The following RPAP2 variants were observed in gnomAD, a reference collection of about 807,000 sequenced individuals.
The protein encoded by RPAP2 is putative RNA polymerase II subunit B1 CTD phosphatase RPAP2.
A neutral mutation model predicts 73.1 loss-of-function variants in RPAP2; 52 were observed. That is an observed-to-expected ratio of 0.71 (90% CI 0.57 to 0.90). The LOEUF is 0.90. Ranked by LOEUF, RPAP2 falls within the 40% of genes least tolerant of loss-of-function variation. The pLI, the probability that RPAP2 is intolerant of heterozygous loss-of-function variation, is 0.00. For synonymous variants in RPAP2, 225 were observed against 242.1 expected (o/e 0.93, Z 0.65); for missense variants, 598 against 701.8 (o/e 0.85, Z 1.67).
At chr1:92,307,158 A>G in intron 5 of RPAP2, 30 bp from the exon 6 acceptor site, 1 of 1,501,352 alleles carries the variant, frequency 6.7e-7, no homozygotes, top group Non-Finnish European at 9.2e-7. Context: ...CATGATAAGA[A>G]AAAAACTAGA....
intron 8 of RPAP2, among the ~76,000 whole-genome samples, 160 bp downstream of exon 8, chr1:92,324,535 T>C (rs571014806): frequency 6.6e-6 from 1 of 152,374 alleles, no homozygotes; most frequent in South Asian, 2.1e-4. Flanking sequence ...ATCTCCACTG[T>C]TGGCATTACT....
At chr1:92,306,791 C>A (rs537797120) in intron 5 of RPAP2, among the ~76,000 whole-genome samples, 3 of 152,012 alleles carry the variant, frequency 2.0e-5, no homozygotes, top group South Asian at 4.2e-4. Context: ...GTGAGTGAGA[C>A]CCTGTCCCTA....
chr1:92,365,334 A>G (rs1266079000), intron 11 of RPAP2, among the ~76,000 whole-genome samples: 4 of 152,234 alleles, frequency 2.6e-5, no homozygotes, highest in Non-Finnish European at 5.9e-5. Context: ...GAACTTTAAC[A>G]CAGCTTCACA....
intron 11 of RPAP2, 81 bp from the exon 12 acceptor site, chr1:92,380,643 T>G: frequency 1.0e-6 from 1 of 955,712 alleles, no homozygotes; most frequent in Non-Finnish European, 1.5e-6. Flanking sequence ...CTCATAAAAT[T>G]TTCTCTGCCA....
chr1:92,353,944 G>T (rs1214506992), intron 11 of RPAP2, among the ~76,000 whole-genome samples: 2 of 152,046 alleles, frequency 1.3e-5, no homozygotes, highest in African/African-American at 4.8e-5. Context: ...TATATCTTTG[G>T]CAGTTTTATA....
intron 10 of RPAP2, among the ~76,000 whole-genome samples, chr1:92,343,114 A>G (rs1653689605): frequency 6.6e-6 from 1 of 151,738 alleles, no homozygotes; most frequent in African/African-American, 2.4e-5. Context: ...ACCTAAGGCC[A>G]GAGGCCCTGG....
At chr1:92,313,603 A>G (rs1324327312) in intron 6 of RPAP2, among the ~76,000 whole-genome samples, 2 of 152,142 alleles carry the variant, frequency 1.3e-5, no homozygotes, top group African/African-American at 4.8e-5. Flanking sequence ...GGATTTTCAG[A>G]ATAATAAATA....
Position 92,301,596 on chromosome 1 carries a change from TGTTAA to T in RPAP2, c.234+10_234+14del, listed in dbSNP as rs373395452. 289 of 1,204,160 alleles carry T rather than the reference TGTTAA, an allele frequency of 2.4e-4. 1 individual carries two copies. Among genetic ancestry groups the T allele is most frequent in the African/African-American group, 1.6e-3 (100 of 63,244 alleles). 74.6% of individuals were successfully genotyped at this position (1,204,160 alleles called of 1,614,324 possible). ...AAGAGTTCCTAATGGAGTGTGTATG[TGTTAA>T]GTTGACAAATTATTAGTTTTGTAGT... On this transcript the variant is annotated splice_region_variant and intron_variant, in intron 3 of 12. Coordinates refer to ENST00000610020, the MANE Select transcript of RPAP2 (RefSeq NM_024813.3).
At chr1:92,311,466 C>T (rs1381689249) in intron 6 of RPAP2, among the ~76,000 whole-genome samples, 1 of 152,152 alleles carries the variant, frequency 6.6e-6, no homozygotes, top group Non-Finnish European at 1.5e-5. Flanking sequence ...ATAATTTGAT[C>T]TCTTTAGTCT....
chr1:92,350,846 C>G (rs1447977437), intron 11 of RPAP2, among the ~76,000 whole-genome samples: 1 of 152,058 alleles, frequency 6.6e-6, no homozygotes, highest in Non-Finnish European at 1.5e-5. Context: ...GCAGGAAAAT[C>G]ACTTGAACCC....
chr1:92,337,566 C>T (rs1653348373), intron 10 of RPAP2, among the ~76,000 whole-genome samples: 2 of 152,258 alleles, frequency 1.3e-5, no homozygotes, highest in South Asian at 4.1e-4. Flanking sequence ...ATCAAACCTT[C>T]ATAGATTCCA....
At chr1:92,328,833 G>T (rs192972201) in intron 8 of RPAP2, among the ~76,000 whole-genome samples, 9 of 152,322 alleles carry the variant, frequency 5.9e-5, no homozygotes, top group East Asian at 3.9e-4. Context: ...GTCCCACAGG[G>T]TGCTCCCTTG....
chr1:92,345,398 AAAAG>A (rs1295758089), intron 10 of RPAP2, among the ~76,000 whole-genome samples: 26 of 146,988 alleles, frequency 1.8e-4, no homozygotes, highest in African/African-American at 5.7e-4. Context: ...AAAAAAAAAA[AAAAG>A]AGAGAGAGAG....
chr1:92,388,310 G>A lies in RPAP2; in HGVS notation c.*1299G>A, dbSNP rs1376390447. ...TAGTTCTAGCACTTTGGAGGCAGAG[G>A]CAGGAGGACTGCTTGAGCCCAGGAG... On this transcript the variant is annotated 3_prime_UTR_variant, in exon 13 of 13. Coordinates refer to ENST00000610020, the MANE Select transcript of RPAP2 (RefSeq NM_024813.3). 1 of 152,242 alleles carries A rather than the reference G, an allele frequency of 6.6e-6. No individual in the cohort carries two copies. The highest frequency in any genetic ancestry group is 2.4e-5 in the African/African-American group (1 of 41,430). The allele number at this position is 152,242 out of a possible 1,614,324, so 9.4% of individuals were successfully genotyped here.
intron 9 of RPAP2, among the ~76,000 whole-genome samples, chr1:92,335,179 T>G (rs1054770135): frequency 6.6e-6 from 1 of 151,904 alleles, no homozygotes; most frequent in East Asian, 1.9e-4. Context: ...TTCCCTTTTC[T>G]CCACATTTCT....
intron 11 of RPAP2, among the ~76,000 whole-genome samples, chr1:92,376,893 C>A (rs2101438441): frequency 6.6e-6 from 1 of 152,262 alleles, no homozygotes; most frequent in South Asian, 2.1e-4. Flanking sequence ...GGGGAAGATA[C>A]TTCTATTTTT....
chr1:92,316,832 A>T (rs1219543969), intron 6 of RPAP2, among the ~76,000 whole-genome samples: 1 of 152,220 alleles, frequency 6.6e-6, no homozygotes, highest in African/African-American at 2.4e-5. Context: ...AGCACCTAGC[A>T]AAAACAAACT....
At chr1:92,339,753 T>C (rs1653500032) in intron 10 of RPAP2, among the ~76,000 whole-genome samples, 1 of 152,188 alleles carries the variant, frequency 6.6e-6, no homozygotes, top group South Asian at 2.1e-4. Context: ...CAGTGGCTCA[T>C]GTCTGTAATC....
At chr1:92,382,626 T>A (rs1655693054) in intron 12 of RPAP2, among the ~76,000 whole-genome samples, 1 of 152,236 alleles carries the variant, frequency 6.6e-6, no homozygotes, top group Admixed American at 6.5e-5. Context: ...TGTTTGCTTT[T>A]TTCTTGTAAA....
Sources: gnomAD v4.1 joint callset for allele counts (sites outside exome capture counted in the v4.1 genomes callset) on GRCh38, gnomAD v4.1.1 for gene constraint, MANE v1.5 for transcripts, NCBI Gene and HGNC (gene_info 2026-07-23, HGNC 2026-07-21) for gene names.